Variants in ADGRL4 observed in about 807,000 individuals in gnomAD.
ADGRL4 encodes the protein adhesion G protein-coupled receptor L4, also known as EGF, latrophilin and seven transmembrane domain containing 1.
In ADGRL4, 90 loss-of-function variants were observed where a neutral mutation model predicts 74.8. The ratio of observed to expected loss-of-function variants is 1.20; its 90% CI spans 1.02 to 1.43. The LOEUF is 1.43. Among genes scored for constraint, ADGRL4 ranks in the 40% most tolerant of loss-of-function variants. The pLI, the probability that ADGRL4 is intolerant of heterozygous loss-of-function variation, is 0.00. For missense variants in ADGRL4, 881 were observed against 814.3 expected, an observed-to-expected ratio of 1.08 and a Z score of -1.00; for synonymous variants, 311 against 279.2, an observed-to-expected ratio of 1.11 and a Z score of -1.14.
At chr1:78,993,446 G>T (rs115164586) in intron 2 of ADGRL4, among the ~76,000 whole-genome samples, 88 of 152,216 alleles carry the variant, frequency 5.8e-4, no homozygotes, top group African/African-American at 1.9e-3. Context: ...ATGAAGTTTG[G>T]TTCATTGGAA....
chr1:78,983,463 A>AT (rs1650435710), intron 2 of ADGRL4, among the ~76,000 whole-genome samples: 2 of 151,682 alleles, frequency 1.3e-5, no homozygotes, highest in African/African-American at 2.4e-5. Context: ...TTAGAAAAAA[A>AT]AAAGCAATTA....
At chr1:78,937,785 T>C (rs752260427) in intron 6 of ADGRL4, 22 bp downstream of exon 6, 1 of 1,589,920 alleles carries the variant, frequency 6.3e-7, no homozygotes, top group Non-Finnish European at 8.5e-7. Flanking sequence ...CAATTACTTT[T>C]AAATGGACCC....
intron 2 of ADGRL4, among the ~76,000 whole-genome samples, chr1:78,957,483 A>T (rs1649860413): frequency 6.6e-6 from 1 of 152,212 alleles, no homozygotes; most frequent in African/African-American, 2.4e-5. Flanking sequence ...TATTGTTGAT[A>T]CGGTGAAAGT....
chr1:78,929,492 G>C (rs895740577), intron 7 of ADGRL4, among the ~76,000 whole-genome samples: 14 of 151,472 alleles, frequency 9.2e-5, no homozygotes, highest in Admixed American at 7.9e-4. Flanking sequence ...CTTTAGCCTG[G>C]GCAACAGGGT....
chr1:78,891,915 G>C (rs578249176), intron 13 of ADGRL4, among the ~76,000 whole-genome samples: 6 of 152,184 alleles, frequency 3.9e-5, no homozygotes, highest in Admixed American at 3.3e-4. Context: ...TGCTTCCAAA[G>C]TCAAATTGCT....
chr1:78,959,060 T>A (rs537083404), intron 2 of ADGRL4, among the ~76,000 whole-genome samples: 1 of 152,190 alleles, frequency 6.6e-6, no homozygotes, highest in Admixed American at 6.5e-5. Flanking sequence ...CATTGTTTTC[T>A]TTAGACATAA....
Position 78,946,419 on chromosome 1 carries a change from A to G in ADGRL4, c.180T>C (p.Asn60=), listed in dbSNP as rs528123910. 15 of 1,607,312 alleles carry G rather than the reference A, an allele frequency of 9.3e-6. No individual in the cohort carries two copies. Among genetic ancestry groups the G allele is most frequent in the Non-Finnish European group, 1.3e-5 (15 of 1,177,368 alleles). The part of the protein sequence containing the change: ...GNGVTICEDD[N]ECGNLTQSCG... ...AGGACTGAGTTAAATTTCCACATTC[A>G]TTATCATCTGTTGGCATATGAATTT... Residue 60 remains asparagine, a synonymous_variant, in exon 3 of 15, where the codon AAT becomes AAC. Coordinates refer to ENST00000370742, the MANE Select transcript of ADGRL4 (RefSeq NM_022159.4).
In ADGRL4 at chr1:78,912,194, G is replaced by A. The variant is rs781330467; in HGVS notation, c.1749+5440C>T. Among the ~76,000 whole-genome samples the A allele has an allele frequency of 3.1e-4, 47 of 151,776 alleles. 2 individuals carry two copies. The highest frequency in any genetic ancestry group is 1.6e-3 in the Admixed American group (24 of 15,180). On this transcript the variant is annotated intron_variant, in intron 12 of 14. Transcript: ENST00000370742. Reference sequence around the variant, plus strand: ...GCAAGATGAATATTGAGTAAGATGCGGTAAATAAATCAAGAAAGGCATAGC... The same window carrying A: ...GCAAGATGAATATTGAGTAAGATGCAGTAAATAAATCAAGAAAGGCATAGC...
chr1:78,971,145 C>G (rs183032909), intron 2 of ADGRL4, among the ~76,000 whole-genome samples: 3 of 152,132 alleles, frequency 2.0e-5, no homozygotes, highest in Admixed American at 6.5e-5. Flanking sequence ...TGCTGGGAAC[C>G]CTTAGATAGG....
chr1:78,908,917 T>C (rs955596471), intron 12 of ADGRL4, among the ~76,000 whole-genome samples: 3 of 151,988 alleles, frequency 2.0e-5, no homozygotes, highest in African/African-American at 7.2e-5. Flanking sequence ...ATCTCTCATA[T>C]ATAGGAACAT....
At chr1:78,937,743 C>T in intron 6 of ADGRL4, 64 bp downstream of exon 6, 2 of 1,509,680 alleles carry the variant, frequency 1.3e-6, no homozygotes, top group Admixed American at 2.0e-5. Context: ...TAACCCCACC[C>T]AAAACTTTGA....
Position 78,891,103 on chromosome 1 carries a change from G to T in ADGRL4, c.*51C>A, listed in dbSNP as rs1180220884. 1.3e-6 allele frequency: 2 copies of T among 1,566,294 alleles called. No individual in the cohort carries two copies. The highest frequency in any genetic ancestry group is 2.7e-5 in the African/African-American group (2 of 73,906). ...CATTTTTATACATTGGTCATCCACA[G>T]CTTGGAATTTTTATTTTTGTGCAGT... On this transcript the variant is annotated 3_prime_UTR_variant, in exon 15 of 15. Transcript: ENST00000370742.
At position 78,920,252 on chromosome 1, in the gene ADGRL4, T is replaced by A. The variant is rs1648968521; in HGVS notation, c.1392A>T (p.Lys464Asn). Residue 464 changes from lysine to asparagine, a missense_variant, in exon 10 of 15, where the codon AAA becomes AAT. Coordinates refer to ENST00000370742, the MANE Select transcript of ADGRL4 (RefSeq NM_022159.4). Reference protein sequence around the residue: ...EIQSTRTTIHKNLCCSLFLAE... With the variant: ...EIQSTRTTIHNNLCCSLFLAE... ...CAAGAAATAGGCTACAGCAAAGATT[T>A]TTGTGAATTGTTGTCCTGGTGCTTT... 6.2e-7 allele frequency: 1 copy of A among 1,612,000 alleles called. No homozygotes were observed. The highest frequency in any genetic ancestry group is 8.5e-7 in the Non-Finnish European group (1 of 1,178,870).
At position 78,893,091 on chromosome 1, in the gene ADGRL4, C is replaced by T; in HGVS notation, c.1841+7G>A. 2 of 1,489,100 alleles carry T rather than the reference C, an allele frequency of 1.3e-6. No individual in the cohort carries two copies. Among genetic ancestry groups the T allele is most frequent in the East Asian group, 2.4e-5 (1 of 41,516 alleles). 92.2% of individuals were successfully genotyped at this position (1,489,100 alleles called of 1,614,324 possible). A position where few individuals can be genotyped will look rare whatever the true frequency, so the allele number is the denominator to read the frequency against. Reference sequence around the variant, plus strand: ...AAAAAAAAAAGTGAACTTAAAGACGCATTTACCTTATGTTCTCAAAGCAAC... The same window carrying T: ...AAAAAAAAAAGTGAACTTAAAGACGTATTTACCTTATGTTCTCAAAGCAAC... On this transcript the variant is annotated splice_region_variant and intron_variant, in intron 13 of 14. Coordinates refer to ENST00000370742, the MANE Select transcript of ADGRL4 (RefSeq NM_022159.4).
chr1:78,968,508 G>GA (rs1307779615), intron 2 of ADGRL4, among the ~76,000 whole-genome samples: 26 of 139,660 alleles, frequency 1.9e-4, no homozygotes, highest in African/African-American at 6.7e-4. Flanking sequence ...GGCGGTGGGG[G>GA]GGTGGGGGGG....
chr1:78,927,582 A>G (rs1649145412), intron 7 of ADGRL4, among the ~76,000 whole-genome samples: 1 of 152,122 alleles, frequency 6.6e-6, no homozygotes, highest in South Asian at 2.1e-4. Context: ...TTTCTATTTA[A>G]TATTGATAAC....
At chr1:78,915,481 G>T (rs757132144) in intron 12 of ADGRL4, among the ~76,000 whole-genome samples, 2 of 151,816 alleles carry the variant, frequency 1.3e-5, no homozygotes, top group South Asian at 2.1e-4. Flanking sequence ...GTCTTCAGGG[G>T]ATAGGGAAAC....
intron 3 of ADGRL4, among the ~76,000 whole-genome samples, chr1:78,942,825 G>A (rs184069169): frequency 6.6e-6 from 1 of 152,134 alleles, no homozygotes; most frequent in East Asian, 1.9e-4. Context: ...AGCTATTTGG[G>A]AAGCTGATAC....
intron 2 of ADGRL4, among the ~76,000 whole-genome samples, chr1:78,983,616 A>G (rs1650438854): frequency 6.6e-6 from 1 of 152,044 alleles, no homozygotes; most frequent in Admixed American, 6.6e-5. Context: ...AAAGAGGAAC[A>G]TTCAATTGAA....
Sources: gnomAD v4.1 joint callset for allele counts (sites outside exome capture counted in the v4.1 genomes callset) on GRCh38, gnomAD v4.1.1 for gene constraint, MANE v1.5 for transcripts, NCBI Gene and HGNC (gene_info 2026-07-23, HGNC 2026-07-21) for gene names.